Variants in ANKRD17 observed in about 807,000 individuals in gnomAD.
ANKRD17 encodes ankyrin repeat domain 17, also known as ankyrin repeat domain-containing protein 17.
ANKRD17 carries 19 observed loss-of-function variants against 229.7 expected under a neutral mutation model. The ratio of observed to expected loss-of-function variants is 0.08; its 90% CI spans 0.06 to 0.12. The LOEUF (loss-of-function observed/expected upper bound fraction) is 0.12, where lower values mean the gene tolerates loss of function less well. Ranked by LOEUF, ANKRD17 falls within the 10% of genes least tolerant of loss-of-function variation. The pLI is 1.00. For missense variants in ANKRD17, 2,176 were observed against 3,176.8 expected, an observed-to-expected ratio of 0.68 and a Z score of 7.57; for synonymous variants, 1,112 against 1,146.1, an observed-to-expected ratio of 0.97 and a Z score of 0.60.
chr4:73,140,049 T>G lies in ANKRD17; in HGVS notation c.2567A>C (p.Glu856Ala). The G allele has an allele frequency of 1.2e-6, 2 of 1,614,208 alleles. No homozygotes were observed. Among genetic ancestry groups the G allele is most frequent in the Non-Finnish European group, 1.7e-6 (2 of 1,180,042 alleles). The change falls in exon 15 of 34, where the codon GAG becomes GCG. Residue 856 changes from glutamate (E) to alanine (A), a missense_variant. Physicochemically the swap from Glu to Ala is moderately radical, Grantham distance 107. Coordinates refer to ENST00000358602, the MANE Select transcript of ANKRD17 (RefSeq NM_032217.5). ...EKIEELNKTR[E>A]EQIQKKQKIL... The stretch of plus-strand genomic sequence containing the variant: ...CTTTTGTTTCTTCTGAATTTGTTCC[T>G]CCCTTGTTTTGTTGAGCTCCTCGAT...
chr4:73,209,358 G>C (rs751516566), intron 1 of ANKRD17, among the ~76,000 whole-genome samples: 5 of 152,166 alleles, frequency 3.3e-5, no homozygotes, highest in Non-Finnish European at 7.3e-5. Context: ...TATCTAAACA[G>C]TATAGGACTA....
intron 1 of ANKRD17, among the ~76,000 whole-genome samples, chr4:73,242,184 T>C (rs1297416013): frequency 6.6e-6 from 1 of 151,778 alleles, no homozygotes; most frequent in Non-Finnish European, 1.5e-5. Flanking sequence ...ATACTGGAAA[T>C]GAGAGAAAAA....
In ANKRD17 at chr4:73,214,548, T is replaced by C. The variant is rs913150624; in HGVS notation, c.394-37015A>G. On this transcript the variant is annotated intron_variant, in intron 1 of 33. Transcript: ENST00000358602. ...CAAAAGCAATGGTGGGTAAACCTGC[T>C]AGTTTCTTAACATCGATCAAGGCCA... Among the ~76,000 whole-genome samples, 15 of 152,180 alleles carry C rather than the reference T, an allele frequency of 9.9e-5. No homozygotes were observed. In the East Asian group the frequency reaches 2.3e-3, roughly 24 times the overall value.
rs10533861 is a variant in ANKRD17, at chr4:73,202,318, T to TA, written c.394-24786dup. 1.3e-3 allele frequency among the ~76,000 whole-genome samples: 28 copies of TA among 21,938 alleles called. 3 individuals are homozygous for TA. Among genetic ancestry groups the TA allele is most frequent in the Admixed American group, 2.6e-3 (3 of 1,156 alleles). The allele number at this position is 21,938 out of a possible 152,430, so 14.4% of individuals were successfully genotyped here. ...ACCAAACCCAAGGCAGGAACAGGAT[T>TA]AAAAAAAAAAAAAAAAAAAAAAAAA... is the stretch of plus-strand genomic sequence containing the variant. On this transcript the variant is annotated intron_variant, in intron 1 of 33. Transcript: ENST00000358602.
rs192995198 is a variant in ANKRD17, at chr4:73,258,169, A to G, written c.393+107T>C. On this transcript the variant is annotated intron_variant, in intron 1 of 33. Transcript: ENST00000358602. ...GGGGGCAGTCGAAAGCCTGGCCCCT[A>G]AGAGATCAACCCACTGGAATCTGTC... 6.4e-3 allele frequency: 10,008 copies of G among 1,552,724 alleles called. 43 individuals are homozygous for G. The highest frequency in any genetic ancestry group is 8.0e-3 in the Non-Finnish European group (9,228 of 1,149,566).
chr4:73,106,507 TG>T (rs1724640862), intron 24 of ANKRD17, among the ~76,000 whole-genome samples: 1 of 151,984 alleles, frequency 6.6e-6, no homozygotes, highest in South Asian at 2.1e-4. Flanking sequence ...AAGACCTGAA[TG>T]TTTAGAATTT....
chr4:73,205,842 C>T (rs1739365703), intron 1 of ANKRD17, among the ~76,000 whole-genome samples: 1 of 152,092 alleles, frequency 6.6e-6, no homozygotes, highest in African/African-American at 2.4e-5. Context: ...AAACATATAT[C>T]TGATTAGGGG....
chr4:73,098,945 G>A, intron 25 of ANKRD17: 2 of 998,704 alleles, frequency 2.0e-6, no homozygotes, highest in Non-Finnish European at 3.2e-6. Flanking sequence ...GACAGCACTG[G>A]TAGGGAGTCA....
rs775756009 is a variant in ANKRD17 at position 73,125,002 on chromosome 4, A to G, written c.3403T>C (p.Leu1135=). 1.9e-6 allele frequency: 3 copies of G among 1,614,200 alleles called. No individual in the cohort carries two copies. The highest frequency in any genetic ancestry group is 2.5e-6 in the Non-Finnish European group (3 of 1,180,042). ...TAGHVGVVEI[L]LDNGADIEAQ... is the part of the protein sequence containing the mutation. ...TCAATGTCTGCACCATTGTCCAGCA[A>G]TATTTCCACAACACCAACATGACCA... Residue 1135 remains leucine (L), a synonymous_variant, in exon 18 of 34, where the codon TTG becomes CTG. Coordinates refer to ENST00000358602, the MANE Select transcript of ANKRD17 (RefSeq NM_032217.5).
At chr4:73,120,034 GA>G in intron 21 of ANKRD17, 127 bp downstream of exon 21, 12 of 1,021,052 alleles carry the variant, frequency 1.2e-5, no homozygotes, top group Non-Finnish European at 1.6e-5. Flanking sequence ...AGGTTTGGGG[GA>G]AAAAGCACTT....
intron 16 of ANKRD17, 104 bp downstream of exon 16, chr4:73,135,013 T>C: frequency 8.4e-7 from 1 of 1,196,130 alleles, no homozygotes; most frequent in South Asian, 1.8e-5. Flanking sequence ...AGACTTTGCC[T>C]AGAGACAAAG....
At chr4:73,147,124 AC>A in intron 9 of ANKRD17, 116 bp downstream of exon 9, 2 of 983,848 alleles carry the variant, frequency 2.0e-6, no homozygotes, top group Non-Finnish European at 2.9e-6. Flanking sequence ...GGTATATCAC[AC>A]GTTTTTTTAA....
chr4:73,088,633 T>C (rs993034289), intron 29 of ANKRD17, among the ~76,000 whole-genome samples: 1 of 152,210 alleles, frequency 6.6e-6, no homozygotes, highest in African/African-American at 2.4e-5. Context: ...CTAATTATAT[T>C]GATTCTATTG....
chr4:73,246,724 T>C (rs939219198), intron 1 of ANKRD17, among the ~76,000 whole-genome samples: 2 of 152,012 alleles, frequency 1.3e-5, no homozygotes, highest in Non-Finnish European at 2.9e-5. Context: ...GGAAGCAAGA[T>C]GACCAACAAA....
intron 3 of ANKRD17, among the ~76,000 whole-genome samples, chr4:73,160,742 G>T (rs1478042229): frequency 6.6e-6 from 1 of 152,016 alleles, no homozygotes; most frequent in African/African-American, 2.4e-5. Flanking sequence ...CTTCTTTTAA[G>T]ACTTCAGAAA....
intron 2 of ANKRD17, among the ~76,000 whole-genome samples, chr4:73,163,602 T>A (rs1228134512): frequency 6.6e-6 from 1 of 152,224 alleles, no homozygotes; most frequent in African/African-American, 2.4e-5. Flanking sequence ...TAATATCACA[T>A]AAGTTTCATG....
chr4:73,149,821 T>C (rs1730764751), intron 7 of ANKRD17, among the ~76,000 whole-genome samples: 1 of 152,166 alleles, frequency 6.6e-6, no homozygotes, highest in Non-Finnish European at 1.5e-5. Context: ...GCTATGATCA[T>C]GCGACTGCAC....
chr4:73,082,156 TAAAAAAAAAA>T (rs11367760), intron 30 of ANKRD17, among the ~76,000 whole-genome samples: 1 of 129,068 alleles, frequency 7.7e-6, no homozygotes, highest in Admixed American at 8.0e-5. Flanking sequence ...TCTTTTTATT[TAAAAAAAAAA>T]AAAAAAAAAG....
At chr4:73,095,722 G>T (rs377199445) in intron 27 of ANKRD17, among the ~76,000 whole-genome samples, 2 of 150,060 alleles carry the variant, frequency 1.3e-5, no homozygotes, top group Non-Finnish European at 2.9e-5. Flanking sequence ...ACAGAGTCTC[G>T]TTCTGTACCC....
Sources: gnomAD v4.1 joint callset for allele counts (sites outside exome capture counted in the v4.1 genomes callset) on GRCh38, gnomAD v4.1.1 for gene constraint, MANE v1.5 for transcripts, NCBI Gene and HGNC (gene_info 2026-07-23, HGNC 2026-07-21) for gene names.